The following TAFA2 variants were observed in gnomAD, a reference collection of about 807,000 sequenced individuals.
TAFA2 encodes the protein chemokine-like protein TAFA-2.
In TAFA2, 7 loss-of-function variants were observed where a neutral mutation model predicts 18.8. The ratio of observed to expected loss-of-function variants is 0.37; its 90% CI spans 0.21 to 0.70. TAFA2 has a LOEUF of 0.70. Among genes scored for constraint, TAFA2 ranks in the 30% least tolerant of loss-of-function variants. The pLI, the probability that TAFA2 is intolerant of heterozygous loss-of-function variation, is 0.53. For missense variants in TAFA2, 122 were observed against 158.1 expected (o/e 0.77, Z 1.23); for synonymous variants, 60 against 54.2 (o/e 1.11, Z -0.47).
chr12:62,258,291 A>G (rs2062950169), intron 1 of TAFA2: 1 of 152,210 alleles, frequency 6.6e-6, no homozygotes, highest in African/African-American at 2.4e-5. Context: ...CTGATGTATA[A>G]TTCAAATTGG....
chr12:61,732,570 G>T (rs964172086), intron 4 of TAFA2, among the ~76,000 whole-genome samples: 1 of 152,050 alleles, frequency 6.6e-6, no homozygotes, highest in East Asian at 1.9e-4. Flanking sequence ...ATGGGCATGA[G>T]AGACAATGCA....
intron 2 of TAFA2, among the ~76,000 whole-genome samples, chr12:61,761,115 A>G (rs1412270962): frequency 1.3e-5 from 2 of 152,008 alleles, no homozygotes; most frequent in Non-Finnish European, 2.9e-5. Flanking sequence ...GCCTTAGGAT[A>G]CTGCCTCTTA....
intron 1 of TAFA2, among the ~76,000 whole-genome samples, chr12:62,226,678 C>T (rs2062788383): frequency 6.6e-6 from 1 of 152,208 alleles, no homozygotes; most frequent in African/African-American, 2.4e-5. Flanking sequence ...ATCCTCCAAA[C>T]ACATTCTTCC....
intron 1 of TAFA2, among the ~76,000 whole-genome samples, chr12:61,880,924 G>A (rs1018733158): frequency 6.6e-6 from 1 of 152,002 alleles, no homozygotes; most frequent in Non-Finnish European, 1.5e-5. Context: ...GTTTACTGCC[G>A]GGGGACCCCC....
chr12:61,717,715 C>A (rs1457275150), intron 4 of TAFA2, among the ~76,000 whole-genome samples: 1 of 152,120 alleles, frequency 6.6e-6, no homozygotes, highest in East Asian at 1.9e-4. Flanking sequence ...GTGTGAGTCT[C>A]CAGACTTGGC....
chr12:61,735,791 TG>T (rs1240793379), intron 4 of TAFA2, among the ~76,000 whole-genome samples: 3 of 151,896 alleles, frequency 2.0e-5, no homozygotes, highest in Non-Finnish European at 4.4e-5. Context: ...ATTTTGTTTT[TG>T]TTTACATTGC....
At chr12:61,781,352 A>C (rs1346164632) in intron 2 of TAFA2, among the ~76,000 whole-genome samples, 1 of 151,780 alleles carries the variant, frequency 6.6e-6, no homozygotes, top group African/African-American at 2.4e-5. Flanking sequence ...AACTGGGCTA[A>C]GATTAAAAGA....
chr12:61,831,300 G>C (rs1036038765), intron 2 of TAFA2, among the ~76,000 whole-genome samples: 8 of 151,964 alleles, frequency 5.3e-5, no homozygotes, highest in Non-Finnish European at 1.2e-4. Context: ...GGACCATACA[G>C]GAAATTAAAA....
intron 1 of TAFA2, among the ~76,000 whole-genome samples, chr12:61,999,655 G>A (rs895868709): frequency 3.3e-5 from 5 of 152,104 alleles, no homozygotes; most frequent in South Asian, 2.1e-4. Context: ...TTCTGTATCC[G>A]TATGCTGAAG....
chr12:62,019,152 A>G (rs1194765595), intron 1 of TAFA2, among the ~76,000 whole-genome samples: 10 of 152,250 alleles, frequency 6.6e-5, no homozygotes, highest in African/African-American at 2.4e-4. Flanking sequence ...TTAGAATGGC[A>G]ATCATTAAAA....
chr12:62,015,360 G>T (rs559380062), intron 1 of TAFA2, among the ~76,000 whole-genome samples: 1 of 152,154 alleles, frequency 6.6e-6, no homozygotes, highest in African/African-American at 2.4e-5. Flanking sequence ...AATGATTTAG[G>T]TGCATATGCT....
At chr12:62,081,112 G>A (rs1285341286) in intron 1 of TAFA2, among the ~76,000 whole-genome samples, 1 of 152,004 alleles carries the variant, frequency 6.6e-6, no homozygotes, top group Non-Finnish European at 1.5e-5. Context: ...GGAGAACAGC[G>A]TGAACCCGGG....
chr12:62,089,544 C>T (rs961752564), intron 1 of TAFA2, among the ~76,000 whole-genome samples: 9 of 151,824 alleles, frequency 5.9e-5, no homozygotes, highest in African/African-American at 2.2e-4. Flanking sequence ...CTAAATTCAG[C>T]TCTAACATAA....
At chr12:61,834,893 T>G (rs2121103422) in intron 2 of TAFA2, among the ~76,000 whole-genome samples, 1 of 152,140 alleles carries the variant, frequency 6.6e-6, no homozygotes, top group Admixed American at 6.6e-5. Context: ...TACCTTAAAT[T>G]ATATAATTTA....
chr12:61,767,735 G>A (rs1482755209), intron 2 of TAFA2, among the ~76,000 whole-genome samples: 1 of 151,754 alleles, frequency 6.6e-6, no homozygotes, highest in Admixed American at 6.6e-5. Context: ...AGATTAAAAG[G>A]ATATAAATCC....
chr12:61,871,665 C>T (rs1427626808), intron 1 of TAFA2, among the ~76,000 whole-genome samples: 1 of 152,148 alleles, frequency 6.6e-6, no homozygotes, highest in East Asian at 1.9e-4. Context: ...GAAAAGTTGT[C>T]GAAGTGGAGG....
intron 1 of TAFA2, among the ~76,000 whole-genome samples, chr12:62,015,013 T>G (rs990713581): frequency 6.6e-6 from 1 of 152,206 alleles, no homozygotes; most frequent in Non-Finnish European, 1.5e-5. Context: ...TCCAAAAAAG[T>G]CTATCCTAGC....
rs969028938 is a variant in TAFA2 at position 61,709,400 on chromosome 12, T to A, written c.*1006A>T. On this transcript the variant is annotated 3_prime_UTR_variant, in exon 5 of 5. Coordinates refer to ENST00000416284, the MANE Select transcript of TAFA2 (RefSeq NM_178539.5). ...ATAAGCATTCAAACAGTCATTGGGA[T>A]CAAGCAAAAGAAAGTCTTTTAAAAT... 14 of 152,104 alleles carry A rather than the reference T, an allele frequency of 9.2e-5. 1 individual carries two copies. In the Middle Eastern group the frequency reaches 0.01, roughly 111 times the overall value. 9.4% of individuals were successfully genotyped at this position (152,104 alleles called of 1,614,324 possible).
At chr12:61,851,665 C>T (rs1488236128) in intron 2 of TAFA2, among the ~76,000 whole-genome samples, 1 of 150,890 alleles carries the variant, frequency 6.6e-6, no homozygotes, top group East Asian at 2.0e-4. Flanking sequence ...GTCCCAGCAA[C>T]TCCGGAGGCT....
Sources: allele counts gnomAD v4.1 joint callset (sites outside exome capture counted in the v4.1 genomes callset), GRCh38; gene constraint gnomAD v4.1.1; transcripts MANE v1.5; gene names NCBI Gene and HGNC (gene_info 2026-07-23, HGNC 2026-07-21).